The following LRMDA variants were observed in gnomAD, a reference collection of about 807,000 sequenced individuals.
LRMDA encodes leucine-rich melanocyte differentiation-associated protein.
In LRMDA, 18 loss-of-function variants were observed where a neutral mutation model predicts 29.8. The ratio of observed to expected loss-of-function variants is 0.60; its 90% CI spans 0.42 to 0.90. LRMDA has a LOEUF of 0.90. LRMDA is among the 40% of genes least tolerant of loss of function. LRMDA has a pLI of 0.00. For synonymous variants in LRMDA, 125 were observed against 109.4 expected, an observed-to-expected ratio of 1.14 and a Z score of -0.89; for missense variants, 273 against 273.9, an observed-to-expected ratio of 1.00 and a Z score of 0.02.
At chr10:75,520,666 C>T (rs1051796194) in intron 2 of LRMDA, among the ~76,000 whole-genome samples, 27 of 152,348 alleles carry the variant, frequency 1.8e-4, no homozygotes, top group African/African-American at 6.5e-4. Flanking sequence ...TACTGACCTT[C>T]TGAAGCCTAC....
At chr10:76,141,544 A>C (rs186248386) in intron 5 of LRMDA, among the ~76,000 whole-genome samples, 1 of 152,244 alleles carries the variant, frequency 6.6e-6, no homozygotes, top group African/African-American at 2.4e-5. Flanking sequence ...AAGTACTCCC[A>C]CCTGATGTGT....
At chr10:75,652,874 A>G (rs1480086901) in intron 2 of LRMDA, among the ~76,000 whole-genome samples, 1 of 152,226 alleles carries the variant, frequency 6.6e-6, no homozygotes, top group Non-Finnish European at 1.5e-5. Context: ...CACTTGGAAA[A>G]AAAATTTGGG....
At chr10:75,922,197 T>G (rs1846033915) in intron 2 of LRMDA, among the ~76,000 whole-genome samples, 1 of 152,212 alleles carries the variant, frequency 6.6e-6, no homozygotes, top group African/African-American at 2.4e-5. Context: ...TAGGATCAAT[T>G]TCCTCCCTTT....
intron 2 of LRMDA, among the ~76,000 whole-genome samples, chr10:75,485,267 A>G (rs1844897583): frequency 6.6e-6 from 1 of 152,152 alleles, no homozygotes; most frequent in Non-Finnish European, 1.5e-5. Flanking sequence ...ATGTCTTTTA[A>G]TTTATTCTGT....
At chr10:75,840,007 C>T (rs981054473) in intron 2 of LRMDA, among the ~76,000 whole-genome samples, 2 of 152,176 alleles carry the variant, frequency 1.3e-5, no homozygotes, top group Non-Finnish European at 2.9e-5. Context: ...CACGCCTGGC[C>T]GCATTCAACT....
At chr10:76,038,813 C>G (rs1000018169) in intron 3 of LRMDA, among the ~76,000 whole-genome samples, 11 of 152,150 alleles carry the variant, frequency 7.2e-5, no homozygotes, top group African/African-American at 2.7e-4. Flanking sequence ...TAATAATCCA[C>G]CCCAACATTT....
At chr10:75,435,174 T>C (rs1161671066) in intron 1 of LRMDA, among the ~76,000 whole-genome samples, 2 of 152,266 alleles carry the variant, frequency 1.3e-5, no homozygotes, top group African/African-American at 4.8e-5. Flanking sequence ...GGTAATTGAC[T>C]AAATGCAATG....
chr10:76,176,187 C>T lies in LRMDA; in HGVS notation c.516+117404C>T, dbSNP rs73286906. On this transcript the variant is annotated intron_variant, in intron 5 of 6. Coordinates refer to ENST00000611255, the MANE Select transcript of LRMDA (RefSeq NM_001305581.2). ...TTGTCTTCCACAGGTGTATGGGCTT[C>T]TTCTAAAGCAGGCAGCTCACATGAC... Among the ~76,000 whole-genome samples, 1,425 of 152,300 alleles carry T rather than the reference C, an allele frequency of 9.4e-3. 21 individuals are homozygous for T. The highest frequency in any genetic ancestry group is 0.031 in the African/African-American group (1,291 of 41,558).
At chr10:75,806,637 C>CT (rs201768940) in intron 2 of LRMDA, among the ~76,000 whole-genome samples, 6,037 of 141,574 alleles carry the variant, frequency 0.043, 192 homozygotes, top group East Asian at 0.1. Flanking sequence ...TGTTAAAGTT[C>CT]TTTTTTTTTT....
intron 5 of LRMDA, among the ~76,000 whole-genome samples, chr10:76,065,968 C>T (rs1848778258): frequency 6.6e-6 from 1 of 152,228 alleles, no homozygotes; most frequent in African/African-American, 2.4e-5. Context: ...CTGAACCTGA[C>T]TTGAGGCCTG....
chr10:75,443,018 T>C (rs1844346939), intron 2 of LRMDA, among the ~76,000 whole-genome samples: 1 of 152,138 alleles, frequency 6.6e-6, no homozygotes, highest in Non-Finnish European at 1.5e-5. Context: ...TAATTCTTTG[T>C]TGGTGTATAG....
At chr10:75,824,894 C>T (rs1216366099) in intron 2 of LRMDA, among the ~76,000 whole-genome samples, 6 of 152,214 alleles carry the variant, frequency 3.9e-5, no homozygotes, top group African/African-American at 1.4e-4. Context: ...AACATATGGA[C>T]TGACTTAAGA....
At chr10:75,592,201 G>A (rs376178553) in intron 2 of LRMDA, among the ~76,000 whole-genome samples, 47 of 152,222 alleles carry the variant, frequency 3.1e-4, no homozygotes, top group South Asian at 1.0e-3. Flanking sequence ...GGTGAGAGCC[G>A]GGGCCTGACC....
intron 5 of LRMDA, among the ~76,000 whole-genome samples, chr10:76,307,025 A>G: frequency 6.6e-6 from 1 of 152,192 alleles, no homozygotes; most frequent in Non-Finnish European, 1.5e-5. Context: ...TCATCATTTC[A>G]GAGGTCTGTT....
chr10:76,465,593 A>T lies in LRMDA; in HGVS notation c.602-91616A>T, dbSNP rs560735052. ...CATCTTTGAGGATCTGTTTTGTACGACCACTCCTGGACACTAGCGTATGAG... is the reference window on the plus strand; with the variant it reads ...CATCTTTGAGGATCTGTTTTGTACGTCCACTCCTGGACACTAGCGTATGAG... On this transcript the variant is annotated intron_variant, in intron 6 of 6. Coordinates refer to ENST00000611255, the MANE Select transcript of LRMDA (RefSeq NM_001305581.2). Among the ~76,000 whole-genome samples the T allele has an allele frequency of 5.3e-5, 8 of 152,314 alleles. No homozygotes were observed. In the South Asian group the frequency reaches 1.0e-3, roughly 20 times the overall value.
Position 76,041,643 on chromosome 10 carries a change from A to C in LRMDA, c.258+5509A>C, listed in dbSNP as rs561758767. On this transcript the variant is annotated intron_variant, in intron 3 of 6. Coordinates refer to ENST00000611255, the MANE Select transcript of LRMDA (RefSeq NM_001305581.2). The stretch of plus-strand genomic sequence containing the variant: ...ACCTGGGACAGCTTTGGACCCGCAC[A>C]ACTGGACACAGGCTAGGAGGCTTCC... Among the ~76,000 whole-genome samples the C allele has an allele frequency of 2.4e-4, 37 of 152,280 alleles. No homozygotes were observed. In the South Asian group the frequency reaches 3.3e-3, roughly 14 times the overall value.
At chr10:75,685,613 A>G (rs1167886124) in intron 2 of LRMDA, among the ~76,000 whole-genome samples, 1 of 152,262 alleles carries the variant, frequency 6.6e-6, no homozygotes, top group African/African-American at 2.4e-5. Flanking sequence ...GATAAAGAAG[A>G]CATAGCCCCT....
chr10:76,450,397 A>C (rs1589192585), intron 6 of LRMDA, among the ~76,000 whole-genome samples: 2 of 152,130 alleles, frequency 1.3e-5, no homozygotes. Context: ...TTTAAAACAC[A>C]ATAGAACTTC....
At chr10:76,305,258 G>T (rs555051372) in intron 5 of LRMDA, among the ~76,000 whole-genome samples, 15 of 151,858 alleles carry the variant, frequency 9.9e-5, no homozygotes, top group African/African-American at 3.6e-4. Context: ...TGTAGCATGT[G>T]TGGGCCCTTT....
Sources: gnomAD v4.1 joint callset for allele counts (sites outside exome capture counted in the v4.1 genomes callset) on GRCh38, gnomAD v4.1.1 for gene constraint, MANE v1.5 for transcripts, NCBI Gene and HGNC (gene_info 2026-07-23, HGNC 2026-07-21) for gene names.